MYH13: variants seen among roughly 807,000 people sequenced by gnomAD.
The protein encoded by MYH13 is myosin heavy chain 13.
MYH13 carries 177 observed loss-of-function variants against 232.1 expected under a neutral mutation model. The ratio of observed to expected loss-of-function variants is 0.76; its 90% CI spans 0.67 to 0.86. The LOEUF is 0.86. Ranked by LOEUF, MYH13 falls within the 40% of genes least tolerant of loss-of-function variation. The pLI, the probability that MYH13 is intolerant of heterozygous loss-of-function variation, is 0.00. For missense variants in MYH13, 2,246 were observed against 2,405.9 expected (o/e 0.93, Z 1.39); for synonymous variants, 884 against 923.5 (o/e 0.96, Z 0.78).
chr17:10,334,205 C>A (rs1907510955), intron 18 of MYH13, among the ~76,000 whole-genome samples: 2 of 152,084 alleles, frequency 1.3e-5, no homozygotes, highest in African/African-American at 2.4e-5. Context: ...TTGTGGGCTC[C>A]CTAAGTTGCC....
intron 2 of MYH13, among the ~76,000 whole-genome samples, chr17:10,370,606 G>A (rs548892901): frequency 1.1e-3 from 162 of 152,212 alleles, no homozygotes; most frequent in African/African-American, 3.6e-3. Context: ...TGTGTACCAT[G>A]ACACTACTCT....
chr17:10,343,710 T>C (rs2071636916), intron 16 of MYH13, 90 bp downstream of exon 16: 2 of 1,348,594 alleles, frequency 1.5e-6, no homozygotes, highest in Non-Finnish European at 2.0e-6. Context: ...CTGAAGCTCA[T>C]GTCTGATTAC....
At chr17:10,315,448 C>T (rs1314039991) in intron 29 of MYH13, among the ~76,000 whole-genome samples, 3 of 152,156 alleles carry the variant, frequency 2.0e-5, no homozygotes, top group African/African-American at 7.2e-5. Context: ...CCTGCCAGTA[C>T]ACCCAGCTAA....
At chr17:10,352,777 A>T (rs1004553949) in intron 11 of MYH13, among the ~76,000 whole-genome samples, 1 of 152,152 alleles carries the variant, frequency 6.6e-6, no homozygotes, top group African/African-American at 2.4e-5. Flanking sequence ...TGTGCTTACA[A>T]GTTAGTGAAG....
intron 30 of MYH13, 119 bp downstream of exon 30, chr17:10,313,039 G>A (rs1487242167): frequency 4.7e-6 from 7 of 1,488,668 alleles, no homozygotes; most frequent in South Asian, 2.5e-5. Flanking sequence ...GGTACAATCC[G>A]AGTGTTTCAG....
chr17:10,328,061 G>T lies in MYH13; in HGVS notation c.2496C>A (p.Pro832=), dbSNP rs374398146. The T allele has an allele frequency of 1.9e-6, 3 of 1,614,162 alleles. No homozygotes were observed. Among genetic ancestry groups the T allele is most frequent in the Non-Finnish European group, 2.5e-6 (3 of 1,180,018 alleles). ...TGATTTTGAAGAACAGGTTCATCCA[G>T]GGCCAGTGCTTGACGTTCATAAAAG... ...IRSFMNVKHW[P]WMNLFFKIKP... The change falls in exon 22 of 41, where the codon CCC becomes CCA. Residue 832 remains proline (P), a synonymous_variant. Coordinates refer to ENST00000252172, the MANE Select transcript of MYH13 (RefSeq NM_003802.3).
intron 3 of MYH13, 130 bp downstream of exon 3, chr17:10,364,197 C>T (rs1430256265): frequency 1.5e-5 from 15 of 967,842 alleles, no homozygotes; most frequent in South Asian, 4.9e-5. Flanking sequence ...GCTACTTCAC[C>T]GCAGAACAGA....
In MYH13 at chr17:10,357,726, G is replaced by A. The variant is rs547234176; in HGVS notation, c.738+9C>T. On this transcript the variant is annotated intron_variant, in intron 8 of 40. Transcript: ENST00000252172. ...TGGGAGGATACTTGAAAATTGGGCC[G>A]GATCTTACAAATCTTGAGGAGTTGT... 17 of 1,612,070 alleles carry A rather than the reference G, an allele frequency of 1.1e-5. No homozygotes were observed. Among genetic ancestry groups the A allele is most frequent in the East Asian group, 2.2e-5 (1 of 44,864 alleles).
rs1381224672 is a variant in MYH13, at chr17:10,350,471, A to T, written c.1144+85T>A. Reference sequence around the variant, plus strand: ...TGCAGTTTTGGAAGAACAGCTCTTGAAATGAATGCAGTTTATCTCACACGG... The same window carrying T: ...TGCAGTTTTGGAAGAACAGCTCTTGTAATGAATGCAGTTTATCTCACACGG... On this transcript the variant is annotated intron_variant, in intron 12 of 40. Coordinates refer to ENST00000252172, the MANE Select transcript of MYH13 (RefSeq NM_003802.3). 9.2e-6 allele frequency: 14 copies of T among 1,526,110 alleles called. No homozygotes were observed. The East Asian group carries it at 3.0e-4, about 32-fold the overall frequency. The allele number at this position is 1,526,110 out of a possible 1,614,324, so 94.5% of individuals were successfully genotyped here.
rs1018514457 is a variant in MYH13, at chr17:10,320,463, G to T, written c.3145C>A (p.Arg1049=). The T allele has an allele frequency of 1.9e-6, 3 of 1,613,196 alleles. No individual in the cohort carries two copies. Among genetic ancestry groups the T allele is most frequent in the Non-Finnish European group, 2.5e-6 (3 of 1,179,614 alleles). Reference sequence around the variant, plus strand: ...CTCTTCGCCCTTTCCAAGTCCGCCCGCAGTTTCTTCTCCTGCTCTAAGGAA... The same window carrying T: ...CTCTTCGCCCTTTCCAAGTCCGCCCTCAGTTTCTTCTCCTGCTCTAAGGAA... ...EGSLEQEKKL[R]ADLERAKRKL... The change falls in exon 25 of 41, where the codon CGG becomes AGG. Residue 1049 remains arginine (R), a synonymous_variant. Transcript: ENST00000252172.
In MYH13 at chr17:10,340,335, A is replaced by G. The variant is rs758871108; in HGVS notation, c.1961T>C (p.Val654Ala). 8 of 1,613,788 alleles carry G rather than the reference A, an allele frequency of 5.0e-6. No individual in the cohort carries two copies. In the African/African-American group the frequency reaches 1.1e-4, roughly 22 times the overall value. ...AGCTGCCAAAACACCAACCCTGAACACGGCCGACACGGTCTGGAAAGAGGA... is the reference window on the plus strand; with the variant it reads ...AGCTGCCAAAACACCAACCCTGAACGCGGCCGACACGGTCTGGAAAGAGGA... ...KGSSFQTVSA[V>A]FRENLNKLMT... The change falls in exon 17 of 41, where the codon GTG becomes GCG. Residue 654 changes from valine (V) to alanine (A), a missense_variant. By Grantham distance (64) the Val-to-Ala change is moderately conservative (BLOSUM62 0). Coordinates refer to ENST00000252172, the MANE Select transcript of MYH13 (RefSeq NM_003802.3).
rs145895667 is a variant in MYH13, at chr17:10,358,506, T to C, written c.646-679A>G. Among the ~76,000 whole-genome samples, 521 of 152,146 alleles carry C rather than the reference T, an allele frequency of 3.4e-3. 2 individuals are homozygous for C. Among genetic ancestry groups the C allele is most frequent in the South Asian group, 8.3e-3 (40 of 4,808 alleles). ...CAGGTATGGTAGTTCACACTCGTAA[T>C]TAGCACTTTGGAAGGCTGAGGCAGG... On this transcript the variant is annotated intron_variant, in intron 7 of 40. Coordinates refer to ENST00000252172, the MANE Select transcript of MYH13 (RefSeq NM_003802.3).
At chr17:10,338,458 G>C (rs12951088) in intron 18 of MYH13, among the ~76,000 whole-genome samples, 23,136 of 151,608 alleles carry the variant, frequency 0.15, 2,346 homozygotes, top group Middle Eastern at 0.24. Flanking sequence ...GGGATTTAAA[G>C]TTTATAGTTC....
Position 10,321,675 on chromosome 17 carries a change from C to T in MYH13, c.2968G>A (p.Glu990Lys). ...KNLSEEMTAL[E>K]ENISKLTKEK... is the part of the protein sequence containing the mutation. Reference sequence around the variant, plus strand: ...TTGGTCAATTTGGAAATGTTTTCTTCAAGTGCTGTCATTTCTTCGGAAAGA... The same window carrying T: ...TTGGTCAATTTGGAAATGTTTTCTTTAAGTGCTGTCATTTCTTCGGAAAGA... Residue 990 changes from glutamate to lysine, a missense_variant, in exon 24 of 41, where the codon GAA (glutamate) becomes AAA (lysine). Glu to Lys is a moderately conservative substitution (Grantham distance 56). Coordinates refer to ENST00000252172, the MANE Select transcript of MYH13 (RefSeq NM_003802.3). The T allele has an allele frequency of 6.2e-7, 1 of 1,613,414 alleles. No homozygotes were observed. The highest frequency in any genetic ancestry group is 1.7e-4 in the Middle Eastern group (1 of 6,060).
At chr17:10,315,625 A>C (rs574986651) in intron 29 of MYH13, 68 bp downstream of exon 29, 453 of 1,400,082 alleles carry the variant, frequency 3.2e-4, no homozygotes, top group Non-Finnish European at 4.4e-4. Context: ...CACTGCTCTG[A>C]CCAGCTTCAC....
intron 40 of MYH13, 43 bp downstream of exon 40, chr17:10,301,526 T>C: frequency 6.2e-7 from 1 of 1,611,670 alleles, no homozygotes; most frequent in Admixed American, 1.7e-5. Context: ...ATATTCAATA[T>C]CTGTTCTTAG....
intron 23 of MYH13, among the ~76,000 whole-genome samples, chr17:10,322,847 A>C (rs982593720): frequency 6.6e-6 from 1 of 151,820 alleles, no homozygotes; most frequent in Non-Finnish European, 1.5e-5. Context: ...GTTAGCCAGG[A>C]TGGTCTCGAT....
Position 10,322,923 on chromosome 17 carries a change from G to T in MYH13, c.2934+1099C>A, listed in dbSNP as rs374496740. 5.2e-4 allele frequency among the ~76,000 whole-genome samples: 79 copies of T among 152,154 alleles called. 1 individual carries two copies. The South Asian group carries it at 0.016, about 30-fold the overall frequency. On this transcript the variant is annotated intron_variant, in intron 23 of 40. Coordinates refer to ENST00000252172, the MANE Select transcript of MYH13 (RefSeq NM_003802.3). ...GCTGGGATTACAGGCATAAGCCACCGCACCTGGCCCTATATTTCATTTTCT... is the reference window on the plus strand; with the variant it reads ...GCTGGGATTACAGGCATAAGCCACCTCACCTGGCCCTATATTTCATTTTCT...
Position 10,329,861 on chromosome 17 carries a change from G to A in MYH13, c.2435+526C>T, listed in dbSNP as rs566807953. ...CAAACAAAAAACAAAATAGCCGGGC[G>A]TGGTGGTGCATGCCTGTAATCCCAG... On this transcript the variant is annotated intron_variant, in intron 21 of 40. Transcript: ENST00000252172. Among the ~76,000 whole-genome samples, 140 of 152,226 alleles carry A rather than the reference G, an allele frequency of 9.2e-4. 1 individual carries two copies. Among genetic ancestry groups the A allele is most frequent in the Non-Finnish European group, 1.5e-3 (104 of 68,004 alleles).
Sources: gnomAD v4.1 joint callset for allele counts (sites outside exome capture counted in the v4.1 genomes callset) on GRCh38, gnomAD v4.1.1 for gene constraint, MANE v1.5 for transcripts, NCBI Gene and HGNC (gene_info 2026-07-23, HGNC 2026-07-21) for gene names.